Variants in ZMIZ1 observed in about 807,000 individuals in gnomAD.
ZMIZ1 encodes zinc finger MIZ-type containing 1.
ZMIZ1 carries 17 observed loss-of-function variants against 113.9 expected under a neutral mutation model. The observed-to-expected ratio is 0.15, with a 90% CI of 0.10 to 0.22. ZMIZ1 has a LOEUF of 0.22. Ranked by LOEUF, ZMIZ1 falls within the 10% of genes least tolerant of loss-of-function variation. The pLI is 1.00. For missense variants in ZMIZ1, 1,059 were observed against 1,477.8 expected (o/e 0.72, Z 4.65); for synonymous variants, 607 against 603.1 (o/e 1.01, Z -0.09).
intron 8 of ZMIZ1, among the ~76,000 whole-genome samples, chr10:79,285,080 CA>C (rs1373528414): frequency 2.0e-5 from 3 of 152,166 alleles, no homozygotes; most frequent in African/African-American, 7.2e-5. Context: ...GCCTCGTGGC[CA>C]TCTCTGGAGA....
At chr10:79,189,058 G>A (rs1413238936) in intron 4 of ZMIZ1, among the ~76,000 whole-genome samples, 1 of 152,192 alleles carries the variant, frequency 6.6e-6, no homozygotes, top group Admixed American at 6.5e-5. Context: ...ATTAGAGATG[G>A]TGCCCAGGCA....
intron 16 of ZMIZ1, 81 bp from the exon 17 acceptor site, chr10:79,300,651 T>C: frequency 1.3e-6 from 2 of 1,500,506 alleles, no homozygotes; most frequent in Non-Finnish European, 1.8e-6. Flanking sequence ...TGTTTAGAGG[T>C]GTGTGACCTG....
chr10:79,231,033 G>A (rs1451254144), intron 7 of ZMIZ1, among the ~76,000 whole-genome samples: 1 of 152,208 alleles, frequency 6.6e-6, no homozygotes, highest in East Asian at 1.9e-4. Flanking sequence ...GCCTCCTCCT[G>A]GGGTGCCTTT....
chr10:79,288,236 C>T (rs1056299784), intron 8 of ZMIZ1, among the ~76,000 whole-genome samples: 3 of 152,212 alleles, frequency 2.0e-5, no homozygotes, highest in African/African-American at 2.4e-5. Context: ...CCCTGATCTC[C>T]GCTGCCTGCG....
intron 1 of ZMIZ1, among the ~76,000 whole-genome samples, chr10:79,096,978 C>G (rs1843188726): frequency 6.6e-6 from 1 of 152,202 alleles, no homozygotes. Flanking sequence ...AGCACACAGG[C>G]AGAGGAAACA....
At position 79,274,289 on chromosome 10, in the gene ZMIZ1, G is replaced by A. The variant is rs73304151; in HGVS notation, c.281-2892G>A. On this transcript the variant is annotated intron_variant, in intron 7 of 24. Coordinates refer to ENST00000334512, the MANE Select transcript of ZMIZ1 (RefSeq NM_020338.4). ...GGGACTGTTTTTGCCATTCTAGCAA[G>A]TGCACAGACCAAAGGCACGCAGGTC... Among the ~76,000 whole-genome samples the A allele has an allele frequency of 2.2e-3, 334 of 152,362 alleles. 3 individuals are homozygous for A. The highest frequency in any genetic ancestry group is 7.5e-3 in the African/African-American group (312 of 41,578).
At chr10:79,197,611 TACACACACACACACACAC>T (rs71482719) in intron 4 of ZMIZ1, among the ~76,000 whole-genome samples, 1 of 89,994 alleles carries the variant, frequency 1.1e-5, no homozygotes, top group Non-Finnish European at 2.7e-5. Flanking sequence ...CACACACACA[TACACACACACACACACAC>T]ACACACACAC....
At chr10:79,175,191 G>A (rs780149) in intron 4 of ZMIZ1, among the ~76,000 whole-genome samples, 1 of 152,012 alleles carries the variant, frequency 6.6e-6, no homozygotes, top group Non-Finnish European at 1.5e-5. Context: ...CAAGCCTTAC[G>A]CTAATTCATG....
chr10:79,179,471 C>G (rs1847017576), intron 4 of ZMIZ1, among the ~76,000 whole-genome samples: 1 of 152,268 alleles, frequency 6.6e-6, no homozygotes, highest in African/African-American at 2.4e-5. Flanking sequence ...CGCACTCAGT[C>G]TCTGGGGCAC....
intron 1 of ZMIZ1, among the ~76,000 whole-genome samples, chr10:79,106,443 G>A (rs1417020715): frequency 6.6e-6 from 1 of 152,248 alleles, no homozygotes; most frequent in East Asian, 1.9e-4. Flanking sequence ...ATGGGTGTGG[G>A]AAGGAAGCCT....
chr10:79,120,836 C>T (rs1029092873), intron 2 of ZMIZ1, among the ~76,000 whole-genome samples: 2 of 152,222 alleles, frequency 1.3e-5, no homozygotes, highest in Non-Finnish European at 2.9e-5. Flanking sequence ...ATGGGCATGA[C>T]AGTCCACCCT....
intron 3 of ZMIZ1, among the ~76,000 whole-genome samples, chr10:79,160,674 G>A (rs959281747): frequency 2.0e-5 from 3 of 152,202 alleles, no homozygotes; most frequent in Non-Finnish European, 2.9e-5. Context: ...GCCTCTTATC[G>A]AGGCCCTGGG....
In ZMIZ1 at chr10:79,307,489, C is replaced by G. The variant is rs776836186; in HGVS notation, c.2753C>G (p.Pro918Arg). 6.3e-7 allele frequency: 1 copy of G among 1,592,596 alleles called. No homozygotes were observed. Among genetic ancestry groups the G allele is most frequent in the Non-Finnish European group, 8.6e-7 (1 of 1,161,186 alleles). Residue 918 changes from proline to arginine, a missense_variant, in exon 23 of 25, where the codon CCC becomes CGC. Physicochemically the swap from Pro to Arg is moderately radical, Grantham distance 103. Coordinates refer to ENST00000334512, the MANE Select transcript of ZMIZ1 (RefSeq NM_020338.4). ...GTSMNDFMHG[P>R]PQLSHPPDMP... ...TCCATGAATGACTTCATGCACGGGC[C>G]CCCCCAGCTCTCCCACCCCCCGGAC...
chr10:79,265,976 A>G (rs368493914), intron 7 of ZMIZ1, among the ~76,000 whole-genome samples: 1 of 152,112 alleles, frequency 6.6e-6, no homozygotes, highest in Non-Finnish European at 1.5e-5. Flanking sequence ...GAGGCAGTCC[A>G]CCCCAAGTGT....
At chr10:79,236,517 T>G (rs956872204) in intron 7 of ZMIZ1, among the ~76,000 whole-genome samples, 11 of 152,138 alleles carry the variant, frequency 7.2e-5, no homozygotes, top group African/African-American at 2.4e-4. Flanking sequence ...TGCCGTCTCT[T>G]CCCTTCAAAG....
At chr10:79,166,778 A>C (rs1396807800) in intron 4 of ZMIZ1, among the ~76,000 whole-genome samples, 1 of 152,226 alleles carries the variant, frequency 6.6e-6, no homozygotes, top group East Asian at 1.9e-4. Flanking sequence ...GTGTAGGCCC[A>C]GAGGGTCTCA....
At chr10:79,243,179 C>T (rs1163391854) in intron 7 of ZMIZ1, among the ~76,000 whole-genome samples, 1 of 151,258 alleles carries the variant, frequency 6.6e-6, no homozygotes, top group Non-Finnish European at 1.5e-5. Flanking sequence ...CGCGGGCACA[C>T]GCAGGGTGGG....
intron 4 of ZMIZ1, among the ~76,000 whole-genome samples, chr10:79,163,307 C>G (rs547666933): frequency 1.3e-5 from 2 of 152,252 alleles, no homozygotes; most frequent in Non-Finnish European, 2.9e-5. Context: ...GCTCCATCTC[C>G]GTTCCTGCTG....
chr10:79,077,825 T>G (rs2132171154), intron 1 of ZMIZ1, among the ~76,000 whole-genome samples: 1 of 152,360 alleles, frequency 6.6e-6, no homozygotes, highest in Non-Finnish European at 1.5e-5. Context: ...TGCGCAAACT[T>G]CCTGGCACAT....
Sources: gnomAD v4.1 joint callset for allele counts (sites outside exome capture counted in the v4.1 genomes callset) on GRCh38, gnomAD v4.1.1 for gene constraint, MANE v1.5 for transcripts, NCBI Gene and HGNC (gene_info 2026-07-23, HGNC 2026-07-21) for gene names.